HECW1: variants seen among roughly 807,000 people sequenced by gnomAD.
HECW1 encodes E3 ubiquitin-protein ligase HECW1.
In HECW1, 61 loss-of-function variants were observed where a neutral mutation model predicts 182.3. The observed-to-expected ratio is 0.33, with a 90% CI of 0.27 to 0.41. HECW1 has a LOEUF of 0.41. Ranked by LOEUF, HECW1 falls within the 10% of genes least tolerant of loss-of-function variation. The probability of loss-of-function intolerance (pLI) is 1.00; values close to 1 mark genes in which losing one functional copy is unlikely to be tolerated. For synonymous variants in HECW1, 859 were observed against 832.6 expected (o/e 1.03, Z -0.55); for missense variants, 1,739 against 2,108.9 (o/e 0.82, Z 3.44).
At chr7:43,257,743 G>C (rs1265224218) in intron 3 of HECW1, among the ~76,000 whole-genome samples, 2 of 152,206 alleles carry the variant, frequency 1.3e-5, no homozygotes, top group East Asian at 3.9e-4. Context: ...TCTCAGCTCA[G>C]AGTTTTTAGG....
chr7:43,235,237 G>A (rs1008408251), intron 2 of HECW1, among the ~76,000 whole-genome samples: 1 of 152,186 alleles, frequency 6.6e-6, no homozygotes, highest in East Asian at 1.9e-4. Context: ...TACTTGGGGT[G>A]AAATCCACAG....
chr7:43,191,667 G>A (rs1451416484), intron 2 of HECW1, among the ~76,000 whole-genome samples: 1 of 152,086 alleles, frequency 6.6e-6, no homozygotes, highest in East Asian at 1.9e-4. Context: ...TCATTCTCGG[G>A]ACTTAACACA....
chr7:43,478,846 T>C (rs907355776), intron 16 of HECW1, among the ~76,000 whole-genome samples: 7 of 152,186 alleles, frequency 4.6e-5, no homozygotes, highest in Admixed American at 3.9e-4. Context: ...TAATTACTAG[T>C]ATTATCTTAA....
chr7:43,191,586 G>T (rs1050301658), intron 2 of HECW1, among the ~76,000 whole-genome samples: 1 of 151,892 alleles, frequency 6.6e-6, no homozygotes, highest in African/African-American at 2.4e-5. Context: ...AGCCTTTCAG[G>T]TTTCTAATTT....
chr7:43,550,003 C>T (rs1159960489), intron 26 of HECW1, among the ~76,000 whole-genome samples: 2 of 151,946 alleles, frequency 1.3e-5, no homozygotes, highest in Non-Finnish European at 2.9e-5. Flanking sequence ...TAGCAATCTG[C>T]TTAGAGGTCG....
chr7:43,302,937 G>A lies in HECW1; in HGVS notation c.28-8826G>A, dbSNP rs111681562. On this transcript the variant is annotated intron_variant, in intron 3 of 29. Transcript: ENST00000395891. ...ACACACACCACACACACCCACACAC[G>A]TGCACACACACATGCGCGCACACAC... 1.3e-4 allele frequency among the ~76,000 whole-genome samples: 20 copies of A among 151,948 alleles called. 1 individual carries two copies. The highest frequency in any genetic ancestry group is 3.4e-3 in the Middle Eastern group (1 of 294).
intron 3 of HECW1, among the ~76,000 whole-genome samples, chr7:43,302,584 G>T (rs1406176297): frequency 6.6e-6 from 1 of 152,156 alleles, no homozygotes; most frequent in African/African-American, 2.4e-5. Flanking sequence ...GTCATCATGG[G>T]GGCTCCTCAC....
chr7:43,248,051 G>A (rs1167767679), intron 3 of HECW1, among the ~76,000 whole-genome samples: 1 of 141,730 alleles, frequency 7.1e-6, no homozygotes, highest in Non-Finnish European at 1.5e-5. Flanking sequence ...GAGGGAGAGA[G>A]GAAGGAAGGA....
At chr7:43,246,429 T>C (rs895553671) in intron 3 of HECW1, among the ~76,000 whole-genome samples, 2 of 152,226 alleles carry the variant, frequency 1.3e-5, no homozygotes, top group African/African-American at 4.8e-5. Context: ...AAGAATTTTA[T>C]GCTATAAACA....
Position 43,320,674 on chromosome 7 carries a change from G to T in HECW1, c.392G>T (p.Arg131Leu), listed in dbSNP as rs754383335. 2 of 1,614,160 alleles carry T rather than the reference G, an allele frequency of 1.2e-6. No homozygotes were observed. Among genetic ancestry groups the T allele is most frequent in the South Asian group, 2.2e-5 (2 of 91,084 alleles). ...LSENFLDYKN[R>L]GVNGSHRGQI... ...GAAAACTTTCTGGACTATAAAAACC[G>T]TGGAGTCAATGGTTCTCATCGGGGC... Residue 131 changes from arginine to leucine, a missense_variant, in exon 5 of 30, where the codon CGT (arginine) becomes CTT (leucine). Arg to Leu is a moderately radical substitution (Grantham distance 102). Around this residue, in one of 5 missense-constraint regions of HECW1, gnomAD observed 279 missense variants for 353.1 expected, o/e 0.79. Coordinates refer to ENST00000395891, the MANE Select transcript of HECW1 (RefSeq NM_015052.5).
intron 21 of HECW1, among the ~76,000 whole-genome samples, chr7:43,506,091 A>C (rs910358147): frequency 6.6e-6 from 1 of 152,224 alleles, no homozygotes; most frequent in African/African-American, 2.4e-5. Flanking sequence ...GTTCTCCTCT[A>C]TGTAGAGTTA....
Position 43,488,452 on chromosome 7 carries a change from G to GAAAGAAAGA in HECW1, c.3235-3620_3235-3612dup, listed in dbSNP as rs1554440573. Among the ~76,000 whole-genome samples, 280 of 143,688 alleles carry GAAAGAAAGA rather than the reference G, an allele frequency of 1.9e-3. 4 individuals carry two copies. The highest frequency in any genetic ancestry group is 6.6e-3 in the African/African-American group (250 of 37,854). 94.3% of individuals were successfully genotyped at this position (143,688 alleles called of 152,430 possible). ...AAAGAAAGAGAAAGAAAGAAAGAAA[G>GAAAGAAAGA]AAAGAAAGAAAGAAAGAAAGAAAGA... is the stretch of plus-strand genomic sequence containing the variant. On this transcript the variant is annotated intron_variant, in intron 17 of 29. Coordinates refer to ENST00000395891, the MANE Select transcript of HECW1 (RefSeq NM_015052.5).
intron 12 of HECW1, among the ~76,000 whole-genome samples, chr7:43,454,953 A>G (rs2077351546): frequency 6.6e-6 from 1 of 152,090 alleles, no homozygotes; most frequent in African/African-American, 2.4e-5. Context: ...TGTTTCCACA[A>G]TGTGATATGT....
At chr7:43,458,834 C>T (rs2077485561) in intron 13 of HECW1, among the ~76,000 whole-genome samples, 1 of 152,226 alleles carries the variant, frequency 6.6e-6, no homozygotes, top group Non-Finnish European at 1.5e-5. Flanking sequence ...TACTGGCTCA[C>T]AGCCATGTGG....
At chr7:43,126,399 A>G (rs1330214924) in intron 2 of HECW1, among the ~76,000 whole-genome samples, 1 of 152,198 alleles carries the variant, frequency 6.6e-6, no homozygotes, top group East Asian at 1.9e-4. Context: ...CTGTTTTCAT[A>G]GATAAGGTTT....
At chr7:43,452,578 T>G (rs574604477) in intron 12 of HECW1, among the ~76,000 whole-genome samples, 1 of 152,340 alleles carries the variant, frequency 6.6e-6, no homozygotes, top group Admixed American at 6.5e-5. Context: ...TATTGAATGT[T>G]TGCCCTGTGC....
chr7:43,135,932 T>G (rs139245099), intron 2 of HECW1, among the ~76,000 whole-genome samples: 3 of 152,262 alleles, frequency 2.0e-5, no homozygotes, highest in Middle Eastern at 3.4e-3. Context: ...AGGCCTTTTA[T>G]GCTTTTATGA....
At position 43,469,157 on chromosome 7, in the gene HECW1, G is replaced by A. The variant is rs1311825993; in HGVS notation, c.3099+52G>A. 4.5e-6 allele frequency: 7 copies of A among 1,572,316 alleles called. No individual in the cohort carries two copies. The African/African-American group carries it at 8.1e-5, about 18-fold the overall frequency. Reference sequence around the variant, plus strand: ...TCATCAAACAGGCTCCTTCCCCAGGGTGAAGCTAGCAAGGGCGTGAGGAGG... The same window carrying A: ...TCATCAAACAGGCTCCTTCCCCAGGATGAAGCTAGCAAGGGCGTGAGGAGG... On this transcript the variant is annotated intron_variant, in intron 16 of 29. Transcript: ENST00000395891.
intron 8 of HECW1, among the ~76,000 whole-genome samples, chr7:43,435,399 A>G (rs2076678945): frequency 6.6e-6 from 1 of 152,170 alleles, no homozygotes; most frequent in Non-Finnish European, 1.5e-5. Context: ...TCCATAACTC[A>G]GTTTTCTCAG....
Sources: gnomAD v4.1 joint callset for allele counts (sites outside exome capture counted in the v4.1 genomes callset) on GRCh38, gnomAD v4.1.1 for gene constraint, gnomAD v4.1.1 regional missense constraint, MANE v1.5 for transcripts, NCBI Gene and HGNC (gene_info 2026-07-23, HGNC 2026-07-21) for gene names.